TREML1: variants seen among roughly 807,000 people sequenced by gnomAD.
TREML1 encodes trem-like transcript 1 protein.
TREML1 carries 27 observed loss-of-function variants against 22.8 expected under a neutral mutation model. The observed-to-expected ratio is 1.19, with a 90% CI of 0.87 to 1.64. The LOEUF is 1.64. Among genes scored for constraint, TREML1 ranks in the 40% most tolerant of loss-of-function variants. The pLI, the probability that TREML1 is intolerant of heterozygous loss-of-function variation, is 0.00. For missense variants in TREML1, 356 were observed against 382.0 expected (o/e 0.93, Z 0.57); for synonymous variants, 153 against 161.9 (o/e 0.94, Z 0.42).
chr6:41,154,198 G>A (rs1415492450), intron 1 of TREML1, 48 bp downstream of exon 1: 2 of 1,601,588 alleles, frequency 1.2e-6, no homozygotes. Flanking sequence ...TCCTGGACAT[G>A]GGGCTGAGCA....
chr6:41,149,372 C>T lies in TREML1; in HGVS notation c.*232G>A. 1 of 506,270 alleles carries T rather than the reference C, an allele frequency of 2.0e-6. No individual in the cohort carries two copies. Among genetic ancestry groups the T allele is most frequent in the East Asian group, 3.1e-5 (1 of 32,534 alleles). The allele number at this position is 506,270 out of a possible 1,614,324, so 31.4% of individuals were successfully genotyped here. A position where few individuals can be genotyped will look rare whatever the true frequency, so the allele number is the denominator to read the frequency against. ...ACATCATTATTAGGGTTTATTTAGC[C>T]CAGTGTGTAATGGTAGAAGAACCAG... On this transcript the variant is annotated 3_prime_UTR_variant, in exon 6 of 6. Coordinates refer to ENST00000426005, the MANE Select transcript of TREML1 (RefSeq NM_178174.4).
At chr6:41,151,241 C>T (rs1185573924) in intron 3 of TREML1, 41 bp downstream of exon 3, 7 of 1,549,106 alleles carry the variant, frequency 4.5e-6, no homozygotes, top group Non-Finnish European at 6.2e-6. Flanking sequence ...GTCTCCACCA[C>T]CACCCTTCTC....
At chr6:41,150,115 T>G in intron 5 of TREML1, 146 bp downstream of exon 5, 1 of 1,019,264 alleles carries the variant, frequency 9.8e-7, no homozygotes, top group Non-Finnish European at 1.4e-6. Context: ...AGACCATTAG[T>G]GTCAAGTTTA....
chr6:41,154,169 A>G lies in TREML1; in HGVS notation c.43+77T>C, dbSNP rs969959103. 4 of 1,589,168 alleles carry G rather than the reference A, an allele frequency of 2.5e-6. No homozygotes were observed. The African/African-American group carries it at 5.4e-5, about 21-fold the overall frequency. On this transcript the variant is annotated intron_variant, in intron 1 of 5. Coordinates refer to ENST00000426005, the MANE Select transcript of TREML1 (RefSeq NM_178174.4). ...GCCCAGCTGCTGGTATGGGTGTGGC[A>G]TTCACAATAACACGTTACTCCTGGA...
chr6:41,151,615 A>G lies in TREML1; in HGVS notation c.377-231T>C, dbSNP rs561312593. Reference sequence around the variant, plus strand: ...TATGTCTTTACCTGGTTGTGACTACACCCACTTTTCCCTCTACCACCAGCT... The same window carrying G: ...TATGTCTTTACCTGGTTGTGACTACGCCCACTTTTCCCTCTACCACCAGCT... On this transcript the variant is annotated intron_variant, in intron 2 of 5. Transcript: ENST00000426005. 3.2e-4 allele frequency: 170 copies of G among 528,982 alleles called. 4 individuals carry two copies. The South Asian group carries it at 3.8e-3, about 12-fold the overall frequency. 32.8% of individuals were successfully genotyped at this position (528,982 alleles called of 1,614,324 possible). A position where few individuals can be genotyped will look rare whatever the true frequency, so the allele number is the denominator to read the frequency against.
At chr6:41,150,574 C>T (rs937894966) in intron 4 of TREML1, among the ~76,000 whole-genome samples, 1 of 152,146 alleles carries the variant, frequency 6.6e-6, no homozygotes, top group South Asian at 2.1e-4. Context: ...TTCTCCAATG[C>T]CTTTCCTCCC....
In TREML1 at chr6:41,153,956, G is replaced by A. The variant is rs771831214; in HGVS notation, c.178C>T (p.Gln60Ter). The change falls in exon 2 of 6, where the codon CAG becomes TAG. Residue 60 changes from glutamine (Q) to a stop codon, truncating the protein, a stop_gained. Transcript: ENST00000426005. LOFTEE classifies it high-confidence loss of function. The stretch of plus-strand genomic sequence containing the variant: ...TCCACAGCTGAGGACACCAGGGGCT[G>A]GCACCCCTCCGGCAAGAACCGGCAC... ...VWCRFLPEGC[Q>*]PLVSSAVDRR... 1 of 1,614,082 alleles carries A rather than the reference G, an allele frequency of 6.2e-7. No homozygotes were observed. Among genetic ancestry groups the A allele is most frequent in the African/African-American group, 1.3e-5 (1 of 74,932 alleles).
chr6:41,149,615 G>T lies in TREML1; in HGVS notation c.925C>A (p.Pro309Thr). 1 of 1,611,390 alleles carries T rather than the reference G, an allele frequency of 6.2e-7. No homozygotes were observed. Among genetic ancestry groups the T allele is most frequent in the African/African-American group, 1.3e-5 (1 of 75,006 alleles). ...GTGTGATGAGCAGCTTAGCTGGATG[G>T]AGTCTGATTGTTAGGTGGATTCTGG... is the stretch of plus-strand genomic sequence containing the variant. The part of the protein sequence containing the change: ...PAQNPPNNQT[P>T]SS Residue 309 changes from proline to threonine, a missense_variant, in exon 6 of 6, where the codon CCA becomes ACA. Coordinates refer to ENST00000426005, the MANE Select transcript of TREML1 (RefSeq NM_178174.4).
Position 41,154,274 on chromosome 6 carries a change from C to T in TREML1, c.15G>A (p.Leu5=). The T allele has an allele frequency of 1.2e-6, 2 of 1,614,074 alleles. No homozygotes were observed. The highest frequency in any genetic ancestry group is 1.7e-6 in the Non-Finnish European group (2 of 1,179,986). The change falls in exon 1 of 6, where the codon CTG becomes CTA. Residue 5 remains leucine, a synonymous_variant. Transcript: ENST00000426005. MGLT[L]LLLLLLGLEG... The stretch of plus-strand genomic sequence containing the variant: ...CTAGTCCCAGGAGCAGCAGCAAGAG[C>T]AGGGTGAGGCCCATGGCTGGGCAGA...
intron 5 of TREML1, 60 bp downstream of exon 5, chr6:41,150,201 G>T: frequency 6.4e-7 from 1 of 1,574,172 alleles, no homozygotes; most frequent in Middle Eastern, 1.7e-4. Context: ...GGACCTCTCA[G>T]TGAGTGAGAT....
In TREML1 at chr6:41,150,897, T is replaced by G; in HGVS notation, c.490A>C (p.Ile164Leu). 6.2e-7 allele frequency: 1 copy of G among 1,613,878 alleles called. No individual in the cohort carries two copies. The highest frequency in any genetic ancestry group is 8.5e-7 in the Non-Finnish European group (1 of 1,179,886). The change falls in exon 4 of 6, where the codon ATC (isoleucine) becomes CTC (leucine). Residue 164 changes from isoleucine (I) to leucine (L), a missense_variant. By Grantham distance (5) the Ile-to-Leu change is conservative. Coordinates refer to ENST00000426005, the MANE Select transcript of TREML1 (RefSeq NM_178174.4). ...PSQDEKSIPL[I>L]WGAVLLVGLL... ...CCTACCAGGAGCACAGCACCCCAGA[T>G]CAAGGGGATGCTGAGGAACAGAAAG...
Position 41,149,544 on chromosome 6 carries a change from T to C in TREML1, c.*60A>G, listed in dbSNP as rs1765185704. ...TAAGGATCCTAGGGCATGAGCTGGC[T>C]GGATGGATGCACAGAACCCCTAGGG... On this transcript the variant is annotated 3_prime_UTR_variant, in exon 6 of 6. Transcript: ENST00000426005. The C allele has an allele frequency of 1.3e-6, 2 of 1,534,988 alleles. No homozygotes were observed. The highest frequency in any genetic ancestry group is 1.3e-5 in the South Asian group (1 of 79,494).
chr6:41,154,418 G>T, upstream of TREML1: 1 of 745,312 alleles, frequency 1.3e-6, no homozygotes, highest in Admixed American at 2.3e-5. Flanking sequence ...ACCTCCAGGG[G>T]TGGGGAAAGG....
In TREML1 at chr6:41,149,791, A is replaced by G; in HGVS notation, c.749T>C (p.Leu250Pro). 1 of 1,614,182 alleles carries G rather than the reference A, an allele frequency of 6.2e-7. No individual in the cohort carries two copies. Among genetic ancestry groups the G allele is most frequent in the South Asian group, 1.1e-5 (1 of 91,084 alleles). Residue 250 changes from leucine to proline, a missense_variant, in exon 6 of 6, where the codon CTT becomes CCT. Leu to Pro is a moderately conservative substitution (Grantham distance 98). Transcript: ENST00000426005. ...TGAAGGTTTTCCTGATGGGGAATCA[A>G]GAGGTAGGCTGGTGTAGGTGGTATT... ...FDNTTYTSLP[L>P]DSPSGKPSLP...
intron 3 of TREML1, 78 bp from the exon 4 acceptor site, chr6:41,150,985 A>T: frequency 8.1e-7 from 1 of 1,241,168 alleles, no homozygotes; most frequent in Non-Finnish European, 1.2e-6. Flanking sequence ...TGGAGCAGTG[A>T]CAGAAGGGTT....
In TREML1 at chr6:41,151,272, C is replaced by G. The variant is rs762745290; in HGVS notation, c.479+10G>C. ...TTCTCCTGGCCTCCCAAATCCAATC[C>G]TGTCAGTACCTCTTCTCATCCTGGC... On this transcript the variant is annotated intron_variant, in intron 3 of 5. Coordinates refer to ENST00000426005, the MANE Select transcript of TREML1 (RefSeq NM_178174.4). 6.2e-7 allele frequency: 1 copy of G among 1,613,238 alleles called. No individual in the cohort carries two copies. Among genetic ancestry groups the G allele is most frequent in the South Asian group, 1.1e-5 (1 of 91,058 alleles).
chr6:41,152,585 G>A (rs1765290343), intron 2 of TREML1, among the ~76,000 whole-genome samples: 1 of 152,110 alleles, frequency 6.6e-6, no homozygotes, highest in African/African-American at 2.4e-5. Context: ...AAAAAACAAG[G>A]GAAGGGGCCA....
intron 2 of TREML1, 157 bp from the exon 3 acceptor site, chr6:41,151,541 T>A: frequency 3.1e-6 from 2 of 637,626 alleles, no homozygotes; most frequent in Non-Finnish European, 5.6e-6. Context: ...GGCTGGGATG[T>A]TCTTTAGGGG....
At position 41,154,292 on chromosome 6, in the gene TREML1, T is replaced by C. The variant is rs184429700; in HGVS notation, c.-4A>G. The C allele has an allele frequency of 4.9e-5, 79 of 1,613,984 alleles. No individual in the cohort carries two copies. In the Admixed American group the frequency reaches 1.3e-3, roughly 26 times the overall value. ...GCAAGAGCAGGGTGAGGCCCATGGC[T>C]GGGCAGAGAAATGTCAACTCCTGGG... On this transcript the variant is annotated 5_prime_UTR_variant, in exon 1 of 6. Transcript: ENST00000426005.
Sources: gnomAD v4.1 joint callset for allele counts (sites outside exome capture counted in the v4.1 genomes callset) on GRCh38, gnomAD v4.1.1 for gene constraint, MANE v1.5 for transcripts, NCBI Gene and HGNC (gene_info 2026-07-23, HGNC 2026-07-21) for gene names.